GRIA4: variants seen among roughly 807,000 people sequenced by gnomAD.
The protein encoded by GRIA4 is glutamate ionotropic receptor AMPA type subunit 4.
A neutral mutation model predicts 104.0 loss-of-function variants in GRIA4; 34 were observed. That is an observed-to-expected ratio of 0.33 (90% confidence interval 0.25 to 0.44). The LOEUF (loss-of-function observed/expected upper bound fraction) is 0.44. GRIA4 is among the 20% of genes least tolerant of loss of function. The pLI is 1.00. For synonymous variants in GRIA4, 386 were observed against 381.9 expected, an observed-to-expected ratio of 1.01 and a Z score of -0.13; for missense variants, 750 against 1,096.5, an observed-to-expected ratio of 0.68 and a Z score of 4.46.
At chr11:105,919,699 G>A (rs1441252983) in intron 11 of GRIA4, among the ~76,000 whole-genome samples, 1 of 152,092 alleles carries the variant, frequency 6.6e-6, no homozygotes, top group South Asian at 2.1e-4. Context: ...AATCAAACTG[G>A]CAATTATCAC....
intron 14 of GRIA4, among the ~76,000 whole-genome samples, chr11:105,968,334 T>C (rs1409890273): frequency 6.6e-6 from 1 of 152,226 alleles, no homozygotes; most frequent in Non-Finnish European, 1.5e-5. Flanking sequence ...TGGGGCCATG[T>C]GCCAGTACCT....
At chr11:105,667,530 T>A (rs1019287057) in intron 3 of GRIA4, among the ~76,000 whole-genome samples, 5 of 152,034 alleles carry the variant, frequency 3.3e-5, no homozygotes, top group Admixed American at 1.3e-4. Flanking sequence ...CTCTCTTCCA[T>A]CCTAGTTATC....
chr11:105,813,623 C>T (rs1245603204), intron 4 of GRIA4, among the ~76,000 whole-genome samples: 3 of 152,096 alleles, frequency 2.0e-5, no homozygotes, highest in African/African-American at 7.2e-5. Context: ...AGAAATAAGG[C>T]TTTGAATAAG....
intron 4 of GRIA4, among the ~76,000 whole-genome samples, chr11:105,835,242 C>T (rs1944133543): frequency 6.6e-6 from 1 of 151,850 alleles, no homozygotes; most frequent in African/African-American, 2.4e-5. Flanking sequence ...AGATTTTCTT[C>T]ATCAGTTAAA....
chr11:105,707,441 A>C (rs1396801507), intron 3 of GRIA4: 1 of 152,226 alleles, frequency 6.6e-6, no homozygotes, highest in African/African-American at 2.4e-5. Context: ...ACCTGTACTG[A>C]AAGTTCATGG....
At chr11:105,667,021 T>C (rs1952186909) in intron 3 of GRIA4, among the ~76,000 whole-genome samples, 1 of 152,026 alleles carries the variant, frequency 6.6e-6, no homozygotes, top group Non-Finnish European at 1.5e-5. Flanking sequence ...GTTCCTACAA[T>C]GGATTTCCTA....
intron 3 of GRIA4, among the ~76,000 whole-genome samples, chr11:105,741,808 T>C (rs1198048467): frequency 1.3e-5 from 2 of 152,122 alleles, no homozygotes; most frequent in East Asian, 3.9e-4. Context: ...TTTTGATACA[T>C]AGTGAAATGG....
chr11:105,717,358 C>T (rs1466145879), intron 3 of GRIA4, among the ~76,000 whole-genome samples: 1 of 152,066 alleles, frequency 6.6e-6, no homozygotes, highest in Non-Finnish European at 1.5e-5. Context: ...CTGCTCCTAC[C>T]TAAGCCACTC....
At chr11:105,762,911 T>G (rs577944043) in intron 4 of GRIA4, among the ~76,000 whole-genome samples, 1 of 152,326 alleles carries the variant, frequency 6.6e-6, no homozygotes, top group South Asian at 2.1e-4. Context: ...ATAGATCAAC[T>G]GTTTAATGCA....
At chr11:105,723,941 G>C (rs1382877331) in intron 3 of GRIA4, among the ~76,000 whole-genome samples, 1 of 152,034 alleles carries the variant, frequency 6.6e-6, no homozygotes, top group Non-Finnish European at 1.5e-5. Flanking sequence ...TTAGAGAAAT[G>C]CAAGTTAAAA....
chr11:105,775,379 A>T (rs1270775626), intron 4 of GRIA4, among the ~76,000 whole-genome samples: 1 of 152,206 alleles, frequency 6.6e-6, no homozygotes, highest in Non-Finnish European at 1.5e-5. Flanking sequence ...AAATATTGAC[A>T]TGTAAAATCT....
Position 105,757,225 on chromosome 11 carries a change from C to T in GRIA4, c.487+4005C>T, listed in dbSNP as rs75229968. Among the ~76,000 whole-genome samples the T allele has an allele frequency of 8.5e-3, 1,291 of 152,164 alleles. 16 individuals carry two copies. Among genetic ancestry groups the T allele is most frequent in the East Asian group, 0.053 (272 of 5,148 alleles). The stretch of plus-strand genomic sequence containing the variant: ...AGGGGTAAGTGAACGTGGATAAAGG[C>T]ACATAAATGAGGGTTATGTGTCCGG... On this transcript the variant is annotated intron_variant, in intron 4 of 16. Coordinates refer to ENST00000282499, the MANE Select transcript of GRIA4 (RefSeq NM_000829.4).
intron 3 of GRIA4, among the ~76,000 whole-genome samples, chr11:105,736,741 C>T (rs77485562): frequency 0.027 from 4,046 of 151,724 alleles, 146 homozygotes; most frequent in African/African-American, 0.079. Context: ...AAAGTCTGAC[C>T]TTTTGGTTTT....
intron 3 of GRIA4, among the ~76,000 whole-genome samples, chr11:105,737,511 C>T (rs1404796195): frequency 3.3e-5 from 5 of 151,900 alleles, no homozygotes; most frequent in Non-Finnish European, 7.4e-5. Flanking sequence ...ATTGAAACAT[C>T]GGTTACTGCA....
intron 2 of GRIA4, 94 bp downstream of exon 2, chr11:105,611,179 C>A (rs1950469684): frequency 1.2e-6 from 1 of 858,474 alleles, no homozygotes; most frequent in Non-Finnish European, 2.0e-6. Context: ...TTCAGGGAAA[C>A]CTTCAGCAGT....
At chr11:105,918,574 G>T in intron 10 of GRIA4, 138 bp from the exon 11 acceptor site, 1 of 568,758 alleles carries the variant, frequency 1.8e-6, no homozygotes, top group Non-Finnish European at 3.1e-6. Flanking sequence ...TTTTATTATT[G>T]ACTTCTAGCT....
chr11:105,978,790 C>T (rs970957303), intron 16 of GRIA4, among the ~76,000 whole-genome samples: 3 of 152,124 alleles, frequency 2.0e-5, no homozygotes, highest in Non-Finnish European at 2.9e-5. Flanking sequence ...AGTAATGAGA[C>T]TAACATAATA....
intron 4 of GRIA4, among the ~76,000 whole-genome samples, chr11:105,835,101 T>G (rs1944127555): frequency 6.6e-6 from 1 of 152,030 alleles, no homozygotes; most frequent in Non-Finnish European, 1.5e-5. Context: ...CTTTATTCTG[T>G]GTTTCTTGTT....
intron 14 of GRIA4, among the ~76,000 whole-genome samples, chr11:105,959,525 C>T (rs1464377499): frequency 6.6e-6 from 1 of 152,128 alleles, no homozygotes; most frequent in East Asian, 1.9e-4. Flanking sequence ...AGGTTCTTAG[C>T]TTCTTTGCAT....
Sources: gnomAD v4.1 joint callset for allele counts (sites outside exome capture counted in the v4.1 genomes callset) on GRCh38, gnomAD v4.1.1 for gene constraint, MANE v1.5 for transcripts, NCBI Gene and HGNC (gene_info 2026-07-23, HGNC 2026-07-21) for gene names.